Variants in FZD6 observed in about 807,000 individuals in gnomAD.
The protein encoded by FZD6 is frizzled-6.
Under a neutral mutation model 61.4 loss-of-function variants are expected in FZD6, and 49 were observed. The observed-to-expected ratio is 0.80, with a 90% CI of 0.63 to 1.01. The LOEUF is 1.01. Ranked by LOEUF, FZD6 falls within the 50% of genes least tolerant of loss-of-function variation. The pLI, the probability that FZD6 is intolerant of heterozygous loss-of-function variation, is 0.00. For missense variants in FZD6, 724 were observed against 848.2 expected (o/e 0.85, Z 1.82); for synonymous variants, 265 against 292.2 (o/e 0.91, Z 0.95).
chr8:103,308,100 T>C (rs1814392397), intron 2 of FZD6, among the ~76,000 whole-genome samples: 1 of 152,210 alleles, frequency 6.6e-6, no homozygotes, highest in South Asian at 2.1e-4. Context: ...GTCTATGCTA[T>C]TGGATCTGGG....
chr8:103,302,428 A>G (rs1814198404), intron 2 of FZD6, among the ~76,000 whole-genome samples: 1 of 152,230 alleles, frequency 6.6e-6, no homozygotes, highest in Non-Finnish European at 1.5e-5. Flanking sequence ...TAAAATGTGT[A>G]GGATTACAAA....
At chr8:103,311,584 G>A (rs1482932365) in intron 2 of FZD6, among the ~76,000 whole-genome samples, 1 of 151,538 alleles carries the variant, frequency 6.6e-6, no homozygotes, top group Non-Finnish European at 1.5e-5. Flanking sequence ...GGAGGCTGAG[G>A]CCTGAGGCTC....
intron 2 of FZD6, among the ~76,000 whole-genome samples, chr8:103,305,069 A>G (rs1814293169): frequency 6.6e-6 from 1 of 152,240 alleles, no homozygotes; most frequent in South Asian, 2.1e-4. Context: ...CCAAGTGGAA[A>G]AACAAATGGC....
In FZD6 at chr8:103,324,496, T is replaced by C. The variant is rs760533281; in HGVS notation, c.390T>C (p.Asp130=). 9 of 1,584,042 alleles carry C rather than the reference T, an allele frequency of 5.7e-6. No individual in the cohort carries two copies. Among genetic ancestry groups the C allele is most frequent in the African/African-American group, 1.3e-5 (1 of 74,314 alleles). The change falls in exon 4 of 7, where the codon GAT becomes GAC. Residue 130 remains aspartate, a synonymous_variant. Transcript: ENST00000358755. ...ATCTTTACAGATTACAATACTGTGA[T>C]GAGACTGTTCCTGTAACTTTTGATC... ...ELECDRLQYC[D]ETVPVTFDPH... is the part of the protein sequence containing the mutation.
intron 3 of FZD6, among the ~76,000 whole-genome samples, chr8:103,321,812 C>T (rs1366485684): frequency 6.6e-6 from 1 of 152,170 alleles, no homozygotes; most frequent in Non-Finnish European, 1.5e-5. Flanking sequence ...AGATGAATCC[C>T]ACTCGTTTGA....
At chr8:103,310,355 G>A (rs1003849527) in intron 2 of FZD6, among the ~76,000 whole-genome samples, 1 of 152,054 alleles carries the variant, frequency 6.6e-6, no homozygotes, top group Non-Finnish European at 1.5e-5. Flanking sequence ...CTGCAACCTG[G>A]AACTCCTGGG....
intron 2 of FZD6, among the ~76,000 whole-genome samples, chr8:103,316,747 G>GT (rs986158242): frequency 1.3e-5 from 2 of 151,904 alleles, no homozygotes; most frequent in Admixed American, 1.3e-4. Flanking sequence ...CATGTATTCT[G>GT]TTTTTTTCCC....
chr8:103,306,361 A>G (rs1054934165), intron 2 of FZD6, among the ~76,000 whole-genome samples: 2 of 152,180 alleles, frequency 1.3e-5, no homozygotes, highest in African/African-American at 4.8e-5. Flanking sequence ...ACAGTAGTCC[A>G]TTGACATTCT....
intron 2 of FZD6, among the ~76,000 whole-genome samples, chr8:103,303,824 T>A (rs974664710): frequency 2.6e-5 from 4 of 152,248 alleles, no homozygotes; most frequent in Non-Finnish European, 5.9e-5. Context: ...TTCATTAGAA[T>A]TTGCTTAAAG....
chr8:103,311,974 A>T (rs1265332288), intron 2 of FZD6, among the ~76,000 whole-genome samples: 2 of 152,204 alleles, frequency 1.3e-5, no homozygotes, highest in East Asian at 3.8e-4. Context: ...ATTAAATAAG[A>T]ATTAGAACTT....
chr8:103,309,685 G>A (rs1173559610), intron 2 of FZD6, among the ~76,000 whole-genome samples: 1 of 152,112 alleles, frequency 6.6e-6, no homozygotes, highest in Admixed American at 6.5e-5. Flanking sequence ...CATGGACTTG[G>A]AAAATTGCAG....
At chr8:103,326,351 C>T (rs775608121) in intron 4 of FZD6, among the ~76,000 whole-genome samples, 50 of 151,992 alleles carry the variant, frequency 3.3e-4, no homozygotes, top group Non-Finnish European at 6.0e-4. Flanking sequence ...TATACGTTGT[C>T]CATAATCTAT....
chr8:103,323,620 G>A (rs547844371), intron 3 of FZD6, among the ~76,000 whole-genome samples: 34 of 151,934 alleles, frequency 2.2e-4, no homozygotes, highest in Non-Finnish European at 4.0e-4. Flanking sequence ...TAGTAGAGAT[G>A]GGGTTTCGCC....
chr8:103,331,178 C>CA (rs1041717710), intron 6 of FZD6, among the ~76,000 whole-genome samples, 163 bp from the exon 7 acceptor site: 19 of 145,754 alleles, frequency 1.3e-4, no homozygotes, highest in Non-Finnish European at 2.0e-4. Flanking sequence ...GACTCTGTCT[C>CA]AAAAAAAAAA....
chr8:103,331,069 C>G (rs550601382), intron 6 of FZD6, among the ~76,000 whole-genome samples: 1 of 152,022 alleles, frequency 6.6e-6, no homozygotes, highest in Admixed American at 6.5e-5. Flanking sequence ...CCCAGCTACT[C>G]GGGAGGCTGA....
rs745515674 is a variant in FZD6, at chr8:103,331,529, C to T, written c.*20C>T. 2.5e-4 allele frequency: 381 copies of T among 1,551,984 alleles called. 1 individual carries two copies. The highest frequency in any genetic ancestry group is 3.2e-4 in the Non-Finnish European group (358 of 1,123,862). On this transcript the variant is annotated 3_prime_UTR_variant, in exon 7 of 7. Coordinates refer to ENST00000358755, the MANE Select transcript of FZD6 (RefSeq NM_003506.4). ...ACTTGAAGAACATTTTCTCTCGTTA[C>T]TCAGAAGCAAATTTGTGTTACACTG...
intron 3 of FZD6, among the ~76,000 whole-genome samples, chr8:103,323,602 T>C (rs762963175): frequency 2.0e-4 from 31 of 152,262 alleles, no homozygotes; most frequent in Non-Finnish European, 3.2e-4. Context: ...AGCTAATTTT[T>C]GTATTTTTAG....
intron 2 of FZD6, among the ~76,000 whole-genome samples, chr8:103,301,964 C>T (rs1202926927): frequency 6.6e-6 from 1 of 151,986 alleles, no homozygotes; most frequent in Non-Finnish European, 1.5e-5. Flanking sequence ...TATATGATTG[C>T]TAATACTACC....
In FZD6 at chr8:103,331,631, T is replaced by C; in HGVS notation, c.*122T>C. On this transcript the variant is annotated 3_prime_UTR_variant, in exon 7 of 7. Coordinates refer to ENST00000358755, the MANE Select transcript of FZD6 (RefSeq NM_003506.4). ...CACTTAAAGTTGCATTGCCTACTGT[T>C]ATACTGGAAAAAATAGAGTTCAAGA... 1.4e-6 allele frequency: 1 copy of C among 729,834 alleles called. No homozygotes were observed. The highest frequency in any genetic ancestry group is 1.5e-5 in the South Asian group (1 of 66,662). 45.2% of individuals were successfully genotyped at this position (729,834 alleles called of 1,614,324 possible).
Sources: gnomAD v4.1 joint callset for allele counts (sites outside exome capture counted in the v4.1 genomes callset) on GRCh38, gnomAD v4.1.1 for gene constraint, MANE v1.5 for transcripts, NCBI Gene and HGNC (gene_info 2026-07-23, HGNC 2026-07-21) for gene names.